Variants in LPP observed in about 807,000 individuals in gnomAD.
The protein encoded by LPP is LIM domain containing preferred translocation partner in lipoma.
A neutral mutation model predicts 60.4 loss-of-function variants in LPP; 38 were observed. The observed-to-expected ratio is 0.63, with a 90% CI of 0.49 to 0.83. The LOEUF (loss-of-function observed/expected upper bound fraction) is 0.83, where lower values mean the gene tolerates loss of function less well. LPP is among the 40% of genes least tolerant of loss of function. The pLI, the probability that LPP is intolerant of heterozygous loss-of-function variation, is 0.00. For synonymous variants in LPP, 328 were observed against 290.8 expected (o/e 1.13, Z -1.30); for missense variants, 902 against 783.6 (o/e 1.15, Z -1.80).
chr3:188,160,423 A>G (rs958646688), intron 1 of LPP, among the ~76,000 whole-genome samples: 1 of 151,496 alleles, frequency 6.6e-6, no homozygotes, highest in Non-Finnish European at 1.5e-5. Context: ...TGAACTCCTG[A>G]CCTCAGGTGA....
At chr3:188,464,858 T>A (rs1799972241) in intron 4 of LPP, among the ~76,000 whole-genome samples, 2 of 151,984 alleles carry the variant, frequency 1.3e-5, no homozygotes, top group Admixed American at 1.3e-4. Flanking sequence ...CCCCATTTGG[T>A]TTGGGATGAA....
intron 9 of LPP, among the ~76,000 whole-genome samples, chr3:188,859,784 A>G (rs1028233165): frequency 6.6e-6 from 1 of 152,220 alleles, no homozygotes; most frequent in Non-Finnish European, 1.5e-5. Context: ...TCTGTGTTTC[A>G]TAGCTGTCAT....
intron 1 of LPP, among the ~76,000 whole-genome samples, chr3:188,163,535 T>C (rs1287585933): frequency 6.6e-6 from 1 of 152,138 alleles, no homozygotes; most frequent in African/African-American, 2.4e-5. Context: ...ACCCTACTTA[T>C]AGGTGAATAT....
intron 9 of LPP, among the ~76,000 whole-genome samples, chr3:188,761,281 C>A (rs1449776663): frequency 6.6e-6 from 1 of 152,128 alleles, no homozygotes; most frequent in Non-Finnish European, 1.5e-5. Context: ...CGTTTTTGGC[C>A]TGGTTGGTAT....
At chr3:188,485,485 C>T (rs2149682385) in intron 5 of LPP, among the ~76,000 whole-genome samples, 1 of 152,248 alleles carries the variant, frequency 6.6e-6, no homozygotes. Context: ...TTCAGAGAAA[C>T]ATTGGAAATG....
At chr3:188,292,180 C>CT (rs1208629607) in intron 2 of LPP, among the ~76,000 whole-genome samples, 2 of 152,236 alleles carry the variant, frequency 1.3e-5, no homozygotes, top group African/African-American at 4.8e-5. Context: ...GGTACAATTC[C>CT]TTTTTTGCAT....
At chr3:188,418,602 T>C (rs1786964452) in intron 4 of LPP, among the ~76,000 whole-genome samples, 1 of 152,202 alleles carries the variant, frequency 6.6e-6, no homozygotes. Flanking sequence ...AAATAATTTT[T>C]CCATCATTAT....
rs1339096101 is a variant in LPP, at chr3:188,878,953, G to A, written c.*4474G>A. On this transcript the variant is annotated 3_prime_UTR_variant, in exon 12 of 12. Coordinates refer to ENST00000617246, the MANE Select transcript of LPP (RefSeq NM_001375462.1). ...TTTATTTGATTTTACAGTAGTTTTA[G>A]TCAGATAATGAGGACAGAGACTTCA... 2 of 226,518 alleles carry A rather than the reference G, an allele frequency of 8.8e-6. No individual in the cohort carries two copies. The highest frequency in any genetic ancestry group is 4.4e-5 in the African/African-American group (2 of 44,994). The allele number at this position is 226,518 out of a possible 1,614,324, so 14.0% of individuals were successfully genotyped here.
At chr3:188,574,736 AG>A (rs753283456) in intron 6 of LPP, among the ~76,000 whole-genome samples, 1 of 151,908 alleles carries the variant, frequency 6.6e-6, no homozygotes, top group African/African-American at 2.4e-5. Flanking sequence ...GTGGGGGCTA[AG>A]GGGGGTGTGT....
At chr3:188,333,065 A>G (rs1760593637) in intron 2 of LPP, among the ~76,000 whole-genome samples, 1 of 152,186 alleles carries the variant, frequency 6.6e-6, no homozygotes, top group African/African-American at 2.4e-5. Flanking sequence ...CTATATTTCC[A>G]AGTAAGAATA....
chr3:188,335,189 T>C (rs1761312199), intron 2 of LPP, among the ~76,000 whole-genome samples: 1 of 152,246 alleles, frequency 6.6e-6, no homozygotes, highest in African/African-American at 2.4e-5. Flanking sequence ...AAGTGTTTAT[T>C]ATGCTGAGGT....
chr3:188,228,296 G>A (rs1718565129), intron 2 of LPP, among the ~76,000 whole-genome samples: 2 of 152,202 alleles, frequency 1.3e-5, no homozygotes, highest in African/African-American at 2.4e-5. Flanking sequence ...TCATGTGTGT[G>A]TCTCCAGAGT....
chr3:188,592,569 G>T (rs1426315791), intron 6 of LPP, among the ~76,000 whole-genome samples: 1 of 56,450 alleles, frequency 1.8e-5, no homozygotes. Flanking sequence ...TTTTTAAATG[G>T]AGTCTCACTC....
intron 5 of LPP, 106 bp from the exon 6 acceptor site, chr3:188,524,559 G>A: frequency 8.8e-7 from 1 of 1,131,224 alleles, no homozygotes; most frequent in Admixed American, 2.5e-5. Flanking sequence ...AAAAAAAGAG[G>A]TGCAGAAAAA....
At chr3:188,655,858 C>T (rs1271006586) in intron 7 of LPP, among the ~76,000 whole-genome samples, 4 of 152,016 alleles carry the variant, frequency 2.6e-5, no homozygotes, top group African/African-American at 9.7e-5. Context: ...TTCAGTGCTT[C>T]CTTATACAAG....
intron 2 of LPP, among the ~76,000 whole-genome samples, chr3:188,231,264 T>G (rs1719849402): frequency 6.6e-6 from 1 of 152,182 alleles, no homozygotes; most frequent in Admixed American, 6.5e-5. Flanking sequence ...CGGAACCATC[T>G]TAGGGGCTGC....
rs532758555 is a variant in LPP, at chr3:188,309,150, A to G, written c.-66-32513A>G. On this transcript the variant is annotated intron_variant, in intron 2 of 11. Transcript: ENST00000617246. ...ATTCTCCTGCCTTAGCCTCCTCAGT[A>G]TCTGGGATTATAGACGTGCATGACC... Among the ~76,000 whole-genome samples the G allele has an allele frequency of 2.7e-5, 4 of 149,616 alleles. No homozygotes were observed. The South Asian group carries it at 8.4e-4, about 31-fold the overall frequency.
chr3:188,701,857 T>G (rs969008347), intron 7 of LPP, among the ~76,000 whole-genome samples: 7 of 151,518 alleles, frequency 4.6e-5, no homozygotes, highest in Non-Finnish European at 8.8e-5. Flanking sequence ...CATTTTTAAA[T>G]CTCATAATGA....
chr3:188,669,886 A>T (rs1324876305), intron 7 of LPP, among the ~76,000 whole-genome samples: 7 of 152,244 alleles, frequency 4.6e-5, no homozygotes, highest in African/African-American at 1.7e-4. Context: ...GGATTAAGAA[A>T]ATGTGGCAAA....
Sources: gnomAD v4.1 joint callset for allele counts (sites outside exome capture counted in the v4.1 genomes callset) on GRCh38, gnomAD v4.1.1 for gene constraint, MANE v1.5 for transcripts, NCBI Gene and HGNC (gene_info 2026-07-23, HGNC 2026-07-21) for gene names.